The following CLCN6 variants were observed in gnomAD, a reference collection of about 807,000 sequenced individuals.
CLCN6 encodes the protein Cl-/H+ antiporter 6, also known as H(+)/Cl(-) exchange transporter 6.
CLCN6 carries 70 observed loss-of-function variants against 109.8 expected under a neutral mutation model. The ratio of observed to expected loss-of-function variants is 0.64; its 90% CI spans 0.53 to 0.78. CLCN6 has a LOEUF of 0.78. CLCN6 is among the 30% of genes least tolerant of loss of function. The pLI, the probability that CLCN6 is intolerant of heterozygous loss-of-function variation, is 0.00. For missense variants in CLCN6, 984 were observed against 1,142.3 expected (o/e 0.86, Z 2.00); for synonymous variants, 444 against 447.8 (o/e 0.99, Z 0.11).
Position 11,824,229 on chromosome 1 carries a change from G to A in CLCN6, c.581-257G>A, listed in dbSNP as rs1243282730. Among the ~76,000 whole-genome samples, 3 of 152,222 alleles carry A rather than the reference G, an allele frequency of 2.0e-5. 1 individual carries two copies. The highest frequency in any genetic ancestry group is 2.1e-4 in the South Asian group (1 of 4,834). Reference sequence around the variant, plus strand: ...AAAAGCCAGTCTTAGTTCTCAGGCCGTGTAAAACCAGGAGGGAGCTGGTGG... The same window carrying A: ...AAAAGCCAGTCTTAGTTCTCAGGCCATGTAAAACCAGGAGGGAGCTGGTGG... On this transcript the variant is annotated intron_variant, in intron 7 of 22. Transcript: ENST00000346436.
chr1:11,816,681 G>A lies in CLCN6; in HGVS notation c.279+1G>A. The A allele has an allele frequency of 1.2e-6, 2 of 1,612,110 alleles. No individual in the cohort carries two copies. Among genetic ancestry groups the A allele is most frequent in the Non-Finnish European group, 1.7e-6 (2 of 1,178,998 alleles). On this transcript the variant is annotated splice_donor_variant, in intron 4 of 22. Coordinates refer to ENST00000346436, the MANE Select transcript of CLCN6 (RefSeq NM_001286.5). LOFTEE classifies it high-confidence loss of function. ...TGCCATTGGAGTCTGCACTGGCCTGGTGAGGAGGCAGGGCCTGGAGGGATG... is the reference window on the plus strand; with the variant it reads ...TGCCATTGGAGTCTGCACTGGCCTGATGAGGAGGCAGGGCCTGGAGGGATG...
chr1:11,808,851 CT>C (rs201225126), intron 2 of CLCN6, among the ~76,000 whole-genome samples: 5 of 150,836 alleles, frequency 3.3e-5, no homozygotes, highest in African/African-American at 1.2e-4. Flanking sequence ...TGTTCTATTT[CT>C]TTTTTTTTCT....
chr1:11,838,770 G>A (rs1644983356), intron 22 of CLCN6, 110 bp downstream of exon 22: 1 of 1,506,476 alleles, frequency 6.6e-7, no homozygotes, highest in Non-Finnish European at 9.2e-7. Flanking sequence ...ACCAGGAGGG[G>A]AGAGTGTGGC....
intron 8 of CLCN6, among the ~76,000 whole-genome samples, chr1:11,825,677 C>T (rs767454318): frequency 4.6e-5 from 7 of 152,164 alleles, no homozygotes; most frequent in Middle Eastern, 3.2e-3. Context: ...GGCTGGAGTG[C>T]GATGGTGCCA....
intron 1 of CLCN6, 84 bp downstream of exon 1, chr1:11,806,433 A>T: frequency 2.3e-6 from 3 of 1,293,072 alleles, no homozygotes; most frequent in Non-Finnish European, 3.0e-6. Flanking sequence ...GGCCGGGCCA[A>T]TCTGGGCCCG....
At chr1:11,824,420 C>A in intron 7 of CLCN6, 66 bp from the exon 8 acceptor site, 2 of 1,343,314 alleles carry the variant, frequency 1.5e-6, no homozygotes, top group Non-Finnish European at 1.0e-6. Flanking sequence ...TTTTTGTAGC[C>A]AAGGTCTCCT....
At position 11,824,519 on chromosome 1, in the gene CLCN6, ACAG is replaced by A; in HGVS notation, c.615_617del (p.Ser206del). 1 of 1,613,718 alleles carries A rather than the reference ACAG, an allele frequency of 6.2e-7. No individual in the cohort carries two copies. The highest frequency in any genetic ancestry group is 1.1e-5 in the South Asian group (1 of 91,022). On this transcript the variant is annotated inframe_deletion, in exon 8 of 23. Coordinates refer to ENST00000346436, the MANE Select transcript of CLCN6 (RefSeq NM_001286.5). ...GTGGAGAAGGAAGGCCCCATGATCCACAGTGGTTCGGTGGTGGGAGCTGGCCTC... is the reference window on the plus strand; with the variant it reads ...GTGGAGAAGGAAGGCCCCATGATCCATGGTTCGGTGGTGGGAGCTGGCCTC...
intron 13 of CLCN6, chr1:11,830,293 C>T (rs1360482123): frequency 6.6e-6 from 1 of 152,120 alleles, no homozygotes; most frequent in African/African-American, 2.4e-5. Context: ...TAAGTGCGGT[C>T]GGCCATCCAC....
intron 5 of CLCN6, 113 bp downstream of exon 5, chr1:11,819,667 T>C: frequency 1.2e-6 from 1 of 842,580 alleles, no homozygotes; most frequent in South Asian, 1.5e-5. Context: ...GCTTATTAGC[T>C]ATTCAGCTTT....
Position 11,842,439 on chromosome 1 carries a change from T to A in CLCN6, c.*2216T>A, listed in dbSNP as rs1645036416. On this transcript the variant is annotated 3_prime_UTR_variant, in exon 23 of 23. Transcript: ENST00000346436. ...TTCTCCTCTCTCTGCATCTGCGCTT[T>A]CCAGATAAGCCCAAAGACAGCAACT... The A allele has an allele frequency of 3.3e-5, 5 of 152,678 alleles. No individual in the cohort carries two copies. The highest frequency in any genetic ancestry group is 3.3e-4 in the Admixed American group (5 of 15,282). 9.5% of individuals were successfully genotyped at this position (152,678 alleles called of 1,614,324 possible).
chr1:11,828,279 T>C (rs1644837685), intron 11 of CLCN6, 60 bp downstream of exon 11: 3 of 1,510,180 alleles, frequency 2.0e-6, no homozygotes, highest in Non-Finnish European at 2.8e-6. Context: ...TCCTCTCAAG[T>C]GAAGGACCAG....
rs775838593 is a variant in CLCN6 at position 11,827,119 on chromosome 1, G to A, written c.738G>A (p.Ala246=). The A allele has an allele frequency of 1.7e-5, 28 of 1,613,890 alleles. 2 individuals carry two copies. In the East Asian group the frequency reaches 4.2e-4, roughly 24 times the overall value. The change falls in exon 10 of 23, where the codon GCG becomes GCA. Residue 246 remains alanine (A), a synonymous_variant. Transcript: ENST00000346436. ...AGAGAGACTTTGTATCAGCAGGAGC[G>A]GCTGCTGGAGTTGCTGCAGCTTTCG... is the stretch of plus-strand genomic sequence containing the variant. The part of the protein sequence containing the change: ...RDKRDFVSAG[A]AAGVAAAFGA...
intron 20 of CLCN6, among the ~76,000 whole-genome samples, chr1:11,837,971 G>A (rs183466779): frequency 5.3e-5 from 8 of 152,308 alleles, no homozygotes; most frequent in Admixed American, 2.0e-4. Context: ...CAGAAAGGTC[G>A]CATTCATAGG....
At chr1:11,818,115 T>C (rs563234498) in intron 4 of CLCN6, among the ~76,000 whole-genome samples, 40 of 151,560 alleles carry the variant, frequency 2.6e-4, no homozygotes, top group African/African-American at 9.7e-4. Flanking sequence ...AAAAAAAAAA[T>C]TAAAAAAAAG....
chr1:11,819,741 A>G lies in CLCN6; in HGVS notation c.346+187A>G, dbSNP rs143381652. The stretch of plus-strand genomic sequence containing the variant: ...CTTTAATAAGCAAAGACATATACCT[A>G]TGTTTGTGGTTGATAAGATTACAGA... On this transcript the variant is annotated intron_variant, in intron 5 of 22. Transcript: ENST00000346436. 3.6e-3 allele frequency among the ~76,000 whole-genome samples: 553 copies of G among 152,302 alleles called. 1 individual carries two copies. Among genetic ancestry groups the G allele is most frequent in the African/African-American group, 0.013 (533 of 41,550 alleles).
chr1:11,816,799 G>A, intron 4 of CLCN6, 119 bp downstream of exon 4: 1 of 621,052 alleles, frequency 1.6e-6, no homozygotes. Flanking sequence ...ACATTATAAT[G>A]CAATAACACT....
In CLCN6 at chr1:11,836,061, C is replaced by T. The variant is rs1644940163; in HGVS notation, c.1888C>T (p.His630Tyr). Residue 630 changes from histidine (H) to tyrosine (Y), a missense_variant, in exon 18 of 23, where the codon CAC (histidine) becomes TAC (tyrosine). Physicochemically the swap from His to Tyr is moderately conservative, Grantham distance 83 (BLOSUM62 2). Coordinates refer to ENST00000346436, the MANE Select transcript of CLCN6 (RefSeq NM_001286.5). ...GGTGAGCATCCTGCGCACCACGGTC[C>T]ACCATGCCTTCCCGGTGGTCACAGA... is the stretch of plus-strand genomic sequence containing the variant. ...SLVSILRTTV[H>Y]HAFPVVTENR... The T allele has an allele frequency of 8.1e-6, 13 of 1,613,964 alleles. No individual in the cohort carries two copies. In the East Asian group the frequency reaches 2.9e-4, roughly 36 times the overall value.
Position 11,815,918 on chromosome 1 carries a change from C to T in CLCN6, c.213+7C>T. On this transcript the variant is annotated splice_region_variant and intron_variant, in intron 3 of 22. Transcript: ENST00000346436. Reference sequence around the variant, plus strand: ...GGAGACCATGGATAATAAGGTGGGTCTTACAATTCTTCATCTCTGGGGATC... The same window carrying T: ...GGAGACCATGGATAATAAGGTGGGTTTTACAATTCTTCATCTCTGGGGATC... 6.3e-7 allele frequency: 1 copy of T among 1,598,662 alleles called. No homozygotes were observed. Among genetic ancestry groups the T allele is most frequent in the East Asian group, 2.2e-5 (1 of 44,806 alleles).
intron 2 of CLCN6, 47 bp downstream of exon 2, chr1:11,807,237 T>G (rs760087354): frequency 6.5e-7 from 1 of 1,531,062 alleles, no homozygotes. Context: ...GTGAGTGGCC[T>G]GGTCACTTCA....
Sources: gnomAD v4.1 joint callset for allele counts (sites outside exome capture counted in the v4.1 genomes callset) on GRCh38, gnomAD v4.1.1 for gene constraint, MANE v1.5 for transcripts, NCBI Gene and HGNC (gene_info 2026-07-23, HGNC 2026-07-21) for gene names.